Variants in DYSF observed in about 807,000 individuals in gnomAD.
DYSF encodes the protein dystrophy-associated fer-1-like 1.
In DYSF, 212 loss-of-function variants were observed where a neutral mutation model predicts 274.9. That is an observed-to-expected ratio of 0.77 (90% CI 0.69 to 0.86). The LOEUF (loss-of-function observed/expected upper bound fraction) is 0.86. DYSF is among the 40% of genes least tolerant of loss of function. DYSF has a pLI of 0.00. For synonymous variants in DYSF, 1,091 were observed against 1,078.7 expected, an observed-to-expected ratio of 1.01 and a Z score of -0.22; for missense variants, 2,666 against 2,783.2, an observed-to-expected ratio of 0.96 and a Z score of 0.95.
Position 71,511,259 on chromosome 2 carries a change from G to T in DYSF, c.346-548G>T, listed in dbSNP as rs1306689690. Among the ~76,000 whole-genome samples, 6 of 152,250 alleles carry T rather than the reference G, an allele frequency of 3.9e-5. No individual in the cohort carries two copies. In the East Asian group the frequency reaches 1.2e-3, roughly 29 times the overall value. On this transcript the variant is annotated intron_variant, in intron 4 of 55. Transcript: ENST00000410020. ...GAAGGAAGAGGGCTCTGCAAGCCTG[G>T]CAGCACACTGAGACCCTCTCAGTGC...
Position 71,668,824 on chromosome 2 carries a change from C to A in DYSF, c.5528C>A (p.Thr1843Asn). ...LGRPGPPFNI[T>N]PRRARRFFLR... ...CGGCCTGGACCTCCCTTCAACATCA[C>A]CCCACGGAGAGCCAGAAGGTGACTT... Residue 1843 changes from threonine (T) to asparagine (N), a missense_variant, in exon 49 of 56, where the codon ACC (threonine) becomes AAC (asparagine). Physicochemically the swap from Thr to Asn is moderately conservative, Grantham distance 65. Transcript: ENST00000410020. 2 of 1,613,634 alleles carry A rather than the reference C, an allele frequency of 1.2e-6. No individual in the cohort carries two copies. Among genetic ancestry groups the A allele is most frequent in the African/African-American group, 1.3e-5 (1 of 75,052 alleles).
intron 52 of DYSF, among the ~76,000 whole-genome samples, chr2:71,677,870 G>T (rs2095246203): frequency 1.3e-5 from 2 of 152,120 alleles, no homozygotes; most frequent in African/African-American, 4.8e-5. Flanking sequence ...TGAAAACAGG[G>T]ACTCAGACAT....
chr2:71,659,946 C>T lies in DYSF; in HGVS notation c.4912-614C>T, dbSNP rs142246305. Reference sequence around the variant, plus strand: ...GGTGGTGGGCGGAGGCCTGGTATCCCACCCTGTAGCCTCACCTTTCAAGGG... The same window carrying T: ...GGTGGTGGGCGGAGGCCTGGTATCCTACCCTGTAGCCTCACCTTTCAAGGG... On this transcript the variant is annotated intron_variant, in intron 44 of 55. Coordinates refer to ENST00000410020, the MANE Select transcript of DYSF (RefSeq NM_001130987.2). 3.4e-3 allele frequency among the ~76,000 whole-genome samples: 515 copies of T among 152,358 alleles called. 3 individuals carry two copies. Among genetic ancestry groups the T allele is most frequent in the African/African-American group, 0.012 (490 of 41,586 alleles).
intron 3 of DYSF, among the ~76,000 whole-genome samples, chr2:71,483,039 G>A (rs564888042): frequency 2.6e-5 from 4 of 152,194 alleles, no homozygotes; most frequent in East Asian, 1.9e-4. Flanking sequence ...CAGGGTCTCC[G>A]GCTGCAAAAC....
rs116351386 is a variant in DYSF at position 71,685,430 on chromosome 2, G to C, written c.6322-1024G>C. ...CTCACAGGTCTTTGCTACAAGCTGA[G>C]CACATCCTGCCTCCTTCCACCCAAG... On this transcript the variant is annotated intron_variant, in intron 55 of 55. Coordinates refer to ENST00000410020, the MANE Select transcript of DYSF (RefSeq NM_001130987.2). Among the ~76,000 whole-genome samples, 467 of 152,330 alleles carry C rather than the reference G, an allele frequency of 3.1e-3. 4 individuals carry two copies. Among genetic ancestry groups the C allele is most frequent in the Non-Finnish European group, 5.0e-3 (337 of 68,018 alleles).
chr2:71,686,737 T>G lies in DYSF; in HGVS notation c.*245T>G, dbSNP rs886056285. 5.2e-6 allele frequency: 3 copies of G among 577,358 alleles called. No homozygotes were observed. The highest frequency in any genetic ancestry group is 9.4e-6 in the Non-Finnish European group (3 of 319,370). The allele number at this position is 577,358 out of a possible 1,614,324, so 35.8% of individuals were successfully genotyped here. The stretch of plus-strand genomic sequence containing the variant: ...GCTTTTTTGGATCAGCTCAGACATA[T>G]TTCAGTATAAAACAGTTGGAACCAC... On this transcript the variant is annotated 3_prime_UTR_variant, in exon 56 of 56. Transcript: ENST00000410020.
intron 13 of DYSF, 59 bp downstream of exon 13, chr2:71,526,405 T>TGGGGGGGGGGGGGG: frequency 5.4e-6 from 2 of 370,354 alleles, no homozygotes; most frequent in Non-Finnish European, 7.7e-6. Flanking sequence ...GCAGGGCTGG[T>TGGGGGGGGGGGGGG]GGGGGTGGGC....
chr2:71,570,080 G>A, intron 27 of DYSF, 146 bp downstream of exon 27: 1 of 1,045,362 alleles, frequency 9.6e-7, no homozygotes, highest in Non-Finnish European at 1.5e-6. Context: ...GAAAGTGTGG[G>A]GTGCAGTGGT....
chr2:71,568,436 T>A, intron 26 of DYSF, 98 bp downstream of exon 26: 1 of 1,491,548 alleles, frequency 6.7e-7, no homozygotes, highest in East Asian at 2.3e-5. Flanking sequence ...TGTTGATCCC[T>A]CTGCTTGCTC....
At chr2:71,563,836 G>T (rs1440951383) in intron 23 of DYSF, among the ~76,000 whole-genome samples, 1 of 152,214 alleles carries the variant, frequency 6.6e-6, no homozygotes, top group Non-Finnish European at 1.5e-5. Context: ...TGAGCTGGGG[G>T]CAGCCTTATG....
At chr2:71,468,328 T>C (rs187533360) in intron 1 of DYSF, among the ~76,000 whole-genome samples, 1 of 152,360 alleles carries the variant, frequency 6.6e-6, no homozygotes, top group African/African-American at 2.4e-5. Flanking sequence ...TCCCTTGTCC[T>C]GTAACAGTCC....
rs2095083161 is a variant in DYSF, at chr2:71,669,586, T to C, written c.5643-19T>C. 2 of 1,614,092 alleles carry C rather than the reference T, an allele frequency of 1.2e-6. No homozygotes were observed. Among genetic ancestry groups the C allele is most frequent in the East Asian group, 2.2e-5 (1 of 44,904 alleles). Reference sequence around the variant, plus strand: ...GGAAATCTTAATGAGAACTATTCTCTAAAAACATGTATGTCTAGTTGGATG... The same window carrying C: ...GGAAATCTTAATGAGAACTATTCTCCAAAAACATGTATGTCTAGTTGGATG... On this transcript the variant is annotated intron_variant, in intron 50 of 55. Transcript: ENST00000410020.
intron 10 of DYSF, among the ~76,000 whole-genome samples, chr2:71,518,062 G>A (rs531333954): frequency 1.3e-5 from 2 of 152,140 alleles, no homozygotes; most frequent in African/African-American, 2.4e-5. Flanking sequence ...TGGGATGGGA[G>A]TGGGGTTCAG....
chr2:71,574,296 C>CCGCCGCTGGCGCCGT lies in DYSF; in HGVS notation c.3331_3345dup (p.Arg1111_Arg1115dup). Reference sequence around the variant, plus strand: ...ACCGCAAGACAGATGCCTTCCGCCGCCGCCGCTGGCGCCGTCGCATGGAGC... The same window carrying CCGCCGCTGGCGCCGT: ...ACCGCAAGACAGATGCCTTCCGCCGCCGCCGCTGGCGCCGTCGCCGCTGGCGCCGTCGCATGGAGC... On this transcript the variant is annotated inframe_insertion, in exon 30 of 56. Coordinates refer to ENST00000410020, the MANE Select transcript of DYSF (RefSeq NM_001130987.2). The CCGCCGCTGGCGCCGT allele has an allele frequency of 6.2e-7, 1 of 1,614,126 alleles. No individual in the cohort carries two copies. Among genetic ancestry groups the CCGCCGCTGGCGCCGT allele is most frequent in the Non-Finnish European group, 8.5e-7 (1 of 1,179,996 alleles).
Position 71,568,241 on chromosome 2 carries a change from T to A in DYSF, c.2767T>A (p.Ser923Thr). 1.9e-6 allele frequency: 3 copies of A among 1,614,226 alleles called. No individual in the cohort carries two copies. Among genetic ancestry groups the A allele is most frequent in the Non-Finnish European group, 2.5e-6 (3 of 1,180,040 alleles). The change falls in exon 26 of 56, where the codon TCT (serine) becomes ACT (threonine). Residue 923 changes from serine to threonine, a missense_variant. Transcript: ENST00000410020. ...GTTGLTYPKF[S>T]DVTGKIKLPK... Reference sequence around the variant, plus strand: ...AACGGGCCTCACCTACCCCAAGTTTTCTGACGTCACGGGCAAGATCAAGCT... The same window carrying A: ...AACGGGCCTCACCTACCCCAAGTTTACTGACGTCACGGGCAAGATCAAGCT...
At chr2:71,572,485 G>T (rs2092551543) in intron 29 of DYSF, among the ~76,000 whole-genome samples, 2 of 152,378 alleles carry the variant, frequency 1.3e-5, no homozygotes, top group Admixed American at 1.3e-4. Context: ...TTTGTCTTAG[G>T]CTGGGTTTCC....
chr2:71,507,094 G>A (rs2085558988), intron 4 of DYSF, among the ~76,000 whole-genome samples: 1 of 152,166 alleles, frequency 6.6e-6, no homozygotes, highest in Non-Finnish European at 1.5e-5. Flanking sequence ...CCCGGAGAGG[G>A]CTGCTCCCAA....
At chr2:71,600,888 G>T in intron 34 of DYSF, 46 bp downstream of exon 34, 1 of 1,601,774 alleles carries the variant, frequency 6.2e-7, no homozygotes, top group South Asian at 1.1e-5. Context: ...GGCAGGAGTG[G>T]GGTGGGGGCC....
intron 41 of DYSF, among the ~76,000 whole-genome samples, chr2:71,633,390 G>A (rs1364086248): frequency 6.6e-6 from 1 of 152,120 alleles, no homozygotes; most frequent in Non-Finnish European, 1.5e-5. Context: ...AGAATTAGAG[G>A]AACCTTTGTA....
Sources: allele counts gnomAD v4.1 joint callset (sites outside exome capture counted in the v4.1 genomes callset), GRCh38; gene constraint gnomAD v4.1.1; transcripts MANE v1.5; gene names NCBI Gene and HGNC (gene_info 2026-07-23, HGNC 2026-07-21).